LTBP1: variants seen among roughly 807,000 people sequenced by gnomAD.
The protein encoded by LTBP1 is latent-transforming growth factor beta-binding protein 1.
Under a neutral mutation model 207.6 loss-of-function variants are expected in LTBP1, and 129 were observed. The observed-to-expected ratio is 0.62, with a 90% CI of 0.54 to 0.72. The LOEUF (loss-of-function observed/expected upper bound fraction) is 0.72. Among genes scored for constraint, LTBP1 ranks in the 30% least tolerant of loss-of-function variants. LTBP1 has a pLI of 0.00. For missense variants in LTBP1, 2,281 were observed against 2,217.2 expected (o/e 1.03, Z -0.58); for synonymous variants, 963 against 833.7 (o/e 1.16, Z -2.67).
intron 26 of LTBP1, among the ~76,000 whole-genome samples, chr2:33,356,881 T>C (rs2094868920): frequency 6.6e-6 from 1 of 152,188 alleles, no homozygotes; most frequent in African/African-American, 2.4e-5. Flanking sequence ...CACACAGAGT[T>C]TTATCCATTG....
intron 26 of LTBP1, among the ~76,000 whole-genome samples, chr2:33,351,339 A>G (rs1034323017): frequency 6.6e-6 from 1 of 152,178 alleles, no homozygotes; most frequent in African/African-American, 2.4e-5. Flanking sequence ...TGGTCCAGGA[A>G]CCCAACTCAG....
chr2:32,956,902 A>T (rs952483525), intron 2 of LTBP1, among the ~76,000 whole-genome samples: 1 of 152,248 alleles, frequency 6.6e-6, no homozygotes, highest in Non-Finnish European at 1.5e-5. Context: ...ATCTCCACGT[A>T]CATCTCCATC....
chr2:33,019,588 G>A (rs995608090), intron 2 of LTBP1, among the ~76,000 whole-genome samples: 3 of 151,950 alleles, frequency 2.0e-5, no homozygotes, highest in Admixed American at 6.6e-5. Flanking sequence ...ACCGGGCTCC[G>A]TCTCCCAAAG....
chr2:33,120,867 A>G (rs1217510274), intron 4 of LTBP1, among the ~76,000 whole-genome samples: 1 of 152,226 alleles, frequency 6.6e-6, no homozygotes, highest in African/African-American at 2.4e-5. Context: ...CATCATCTTT[A>G]TTAAGCAAAG....
chr2:33,306,680 T>C (rs2094101568), intron 22 of LTBP1, among the ~76,000 whole-genome samples: 1 of 152,214 alleles, frequency 6.6e-6, no homozygotes, highest in Non-Finnish European at 1.5e-5. Flanking sequence ...ATTCCCAGGA[T>C]TCTCTTATGA....
chr2:33,291,470 C>G (rs1012045607), intron 19 of LTBP1: 1 of 152,194 alleles, frequency 6.6e-6, no homozygotes, highest in Admixed American at 6.5e-5. Context: ...TGCCTGGTGT[C>G]TAGGCTCATT....
intron 11 of LTBP1, among the ~76,000 whole-genome samples, chr2:33,254,657 T>C (rs1290274267): frequency 2.0e-5 from 3 of 147,274 alleles, no homozygotes; most frequent in Non-Finnish European, 3.0e-5. Flanking sequence ...GCATGTTGGT[T>C]ACATATGTAT....
At chr2:33,117,699 G>A (rs1179581469) in intron 4 of LTBP1, among the ~76,000 whole-genome samples, 7 of 152,212 alleles carry the variant, frequency 4.6e-5, no homozygotes, top group Non-Finnish European at 7.3e-5. Flanking sequence ...ATGCTCATGG[G>A]AGGTGTCCCT....
Position 33,367,548 on chromosome 2 carries a change from A to G in LTBP1, c.4711+2045A>G, listed in dbSNP as rs77417089. ...TCTCCAGTGTGTATTACTCCATTCC[A>G]TATGTCCATGTGTACCCATTGTTTA... is the stretch of plus-strand genomic sequence containing the variant. On this transcript the variant is annotated intron_variant, in intron 31 of 33. Coordinates refer to ENST00000404816, the MANE Select transcript of LTBP1 (RefSeq NM_206943.4). Among the ~76,000 whole-genome samples, 2,426 of 152,208 alleles carry G rather than the reference A, an allele frequency of 0.016. 177 individuals are homozygous for G. The East Asian group carries it at 0.19, about 12-fold the overall frequency.
chr2:33,397,203 C>T lies in LTBP1; in HGVS notation c.4905C>T (p.Arg1635=). 6.2e-7 allele frequency: 1 copy of T among 1,614,144 alleles called. No individual in the cohort carries two copies. The highest frequency in any genetic ancestry group is 8.5e-7 in the Non-Finnish European group (1 of 1,180,022). Residue 1635 remains arginine (R), a synonymous_variant, in exon 33 of 34, where the codon CGC becomes CGT. Transcript: ENST00000404816. ...CGILNGCENG[R]CVRVQEGYTC... is the part of the protein sequence containing the mutation. The stretch of plus-strand genomic sequence containing the variant: ...TCCTCAATGGATGTGAAAATGGTCG[C>T]TGTGTGAGGGTCCAGGAAGGTTACA...
At chr2:33,088,182 G>A (rs1159950762) in intron 3 of LTBP1, among the ~76,000 whole-genome samples, 3 of 152,316 alleles carry the variant, frequency 2.0e-5, no homozygotes, top group East Asian at 1.9e-4. Flanking sequence ...AGCCGGGCGC[G>A]GTGGCTCACG....
intron 2 of LTBP1, among the ~76,000 whole-genome samples, chr2:32,960,819 G>T (rs1678985007): frequency 6.6e-6 from 1 of 152,172 alleles, no homozygotes; most frequent in African/African-American, 2.4e-5. Context: ...TTGGAGTGGG[G>T]ATAGGCCTGG....
intron 19 of LTBP1, among the ~76,000 whole-genome samples, chr2:33,290,440 A>C (rs2093752132): frequency 6.6e-6 from 1 of 152,232 alleles, no homozygotes; most frequent in Admixed American, 6.5e-5. Context: ...CCTTGACTAA[A>C]CTGAAGAACA....
At chr2:33,244,694 A>G (rs543465768) in intron 10 of LTBP1, among the ~76,000 whole-genome samples, 10 of 152,294 alleles carry the variant, frequency 6.6e-5, no homozygotes, top group South Asian at 6.2e-4. Flanking sequence ...GCTGGACTCA[A>G]ATGATCACTG....
intron 7 of LTBP1, among the ~76,000 whole-genome samples, chr2:33,214,362 C>T (rs902336680): frequency 2.6e-5 from 4 of 152,122 alleles, no homozygotes; most frequent in African/African-American, 4.8e-5. Flanking sequence ...CTACCTGATT[C>T]CAGCCCCAAA....
At chr2:33,218,018 G>C (rs555954336) in intron 8 of LTBP1, among the ~76,000 whole-genome samples, 1 of 152,258 alleles carries the variant, frequency 6.6e-6, no homozygotes, top group Non-Finnish European at 1.5e-5. Context: ...TTATTTCCTA[G>C]GTTTAAATTC....
In LTBP1 at chr2:33,105,644, G is replaced by C. The variant is rs531091303; in HGVS notation, c.864-4938G>C. Among the ~76,000 whole-genome samples the C allele has an allele frequency of 5.8e-4, 88 of 152,216 alleles. No homozygotes were observed. The Middle Eastern group carries it at 0.017, about 29-fold the overall frequency. The stretch of plus-strand genomic sequence containing the variant: ...GATGGGGTTTTATCATGTTGGCTAG[G>C]CTGGTCTTGAACTTGCGACCTCAGG... On this transcript the variant is annotated intron_variant, in intron 3 of 33. Coordinates refer to ENST00000404816, the MANE Select transcript of LTBP1 (RefSeq NM_206943.4).
intron 3 of LTBP1, among the ~76,000 whole-genome samples, chr2:33,107,069 G>C (rs1349875010): frequency 6.6e-6 from 1 of 152,124 alleles, no homozygotes; most frequent in African/African-American, 2.4e-5. Flanking sequence ...TTGAACTACC[G>C]GGTTGTAACC....
intron 5 of LTBP1, among the ~76,000 whole-genome samples, chr2:33,154,504 C>G (rs1572887599): frequency 1.3e-5 from 2 of 152,280 alleles, no homozygotes; most frequent in East Asian, 3.9e-4. Flanking sequence ...AGTTAGCAGT[C>G]CTTATCAGCA....
Sources: allele counts gnomAD v4.1 joint callset (sites outside exome capture counted in the v4.1 genomes callset), GRCh38; gene constraint gnomAD v4.1.1; transcripts MANE v1.5; gene names NCBI Gene and HGNC (gene_info 2026-07-23, HGNC 2026-07-21).